Variants in RASSF8 observed in about 807,000 individuals in gnomAD.
RASSF8 encodes ras association domain-containing protein 8.
A neutral mutation model predicts 48.5 loss-of-function variants in RASSF8; 22 were observed. The ratio of observed to expected loss-of-function variants is 0.45; its 90% CI spans 0.32 to 0.65. The LOEUF is 0.65. RASSF8 is among the 30% of genes least tolerant of loss of function. RASSF8 has a pLI of 0.03. For missense variants in RASSF8, 418 were observed against 489.2 expected (o/e 0.85, Z 1.37); for synonymous variants, 127 against 171.5 (o/e 0.74, Z 2.03).
chr12:25,969,906 G>A (rs1270175923), intron 1 of RASSF8, among the ~76,000 whole-genome samples: 1 of 152,086 alleles, frequency 6.6e-6, no homozygotes, highest in Non-Finnish European at 1.5e-5. Context: ...CATCCTGGAT[G>A]AGAAATGCTG....
intron 1 of RASSF8, chr12:25,959,804 A>G (rs998443935): frequency 7.2e-5 from 11 of 152,138 alleles, no homozygotes; most frequent in African/African-American, 2.7e-4. Flanking sequence ...AAAGATGAGT[A>G]CTTGGGTTCG....
intron 2 of RASSF8, chr12:26,052,812 C>A (rs1943520381): frequency 6.6e-6 from 1 of 152,126 alleles, no homozygotes; most frequent in African/African-American, 2.4e-5. Flanking sequence ...CTTTCTCTTG[C>A]CTGATTGCCC....
chr12:25,977,389 G>A (rs1445590489), intron 1 of RASSF8, among the ~76,000 whole-genome samples: 1 of 152,132 alleles, frequency 6.6e-6, no homozygotes, highest in Non-Finnish European at 1.5e-5. Context: ...GGCTTATATG[G>A]TAGTTTGCCC....
chr12:26,024,053 A>G (rs769364608), intron 2 of RASSF8, among the ~76,000 whole-genome samples: 10 of 152,242 alleles, frequency 6.6e-5, no homozygotes, highest in Non-Finnish European at 1.5e-4. Flanking sequence ...GTAATGGCTT[A>G]TTTTGGGGTT....
At chr12:26,073,790 CATT>C (rs1438765504), downstream of RASSF8, among the ~76,000 whole-genome samples, 1 of 34,924 alleles carries the variant, frequency 2.9e-5, no homozygotes, top group Non-Finnish European at 5.3e-5. Flanking sequence ...TATATATACA[CATT>C]ATGTATACAC....
In RASSF8 at chr12:25,971,216, T is replaced by C. The variant is rs189493536; in HGVS notation, c.-203+12068T>C. ...TGCTGCTGGATGTTCTAGGGTTATC[T>C]TTTTCTAAAATGGAGCAGCTTTGTC... On this transcript the variant is annotated intron_variant, in intron 1 of 5. Coordinates refer to ENST00000689635, the MANE Select transcript of RASSF8 (RefSeq NM_001394098.1). Among the ~76,000 whole-genome samples the C allele has an allele frequency of 3.0e-3, 454 of 151,998 alleles. 1 individual carries two copies. The highest frequency in any genetic ancestry group is 9.2e-3 in the African/African-American group (379 of 41,272).
intron 1 of RASSF8, among the ~76,000 whole-genome samples, chr12:25,966,407 G>C (rs1165478271): frequency 6.6e-6 from 1 of 152,098 alleles, no homozygotes; most frequent in Non-Finnish European, 1.5e-5. Flanking sequence ...ATGAGGTCTT[G>C]CTATGTTGCC....
chr12:25,974,519 A>G lies in RASSF8; in HGVS notation c.-203+15371A>G, dbSNP rs191403813. ...TACCTTTTTTTTTTTTTTTTAAGCC[A>G]TAGCACTATACTAGCAGACACAGAG... On this transcript the variant is annotated intron_variant, in intron 1 of 5. Transcript: ENST00000689635. 7.6e-4 allele frequency among the ~76,000 whole-genome samples: 114 copies of G among 150,450 alleles called. 1 individual carries two copies. The highest frequency in any genetic ancestry group is 3.4e-3 in the Middle Eastern group (1 of 292).
chr12:26,046,672 TA>T (rs5797158), intron 2 of RASSF8, among the ~76,000 whole-genome samples: 128,395 of 151,910 alleles, frequency 0.85, 54,370 homozygotes, highest in East Asian at 0.99. Context: ...CCCATCTCTT[TA>T]AAAAAAAATA....
At chr12:26,054,106 T>A (rs1591805673) in intron 2 of RASSF8, among the ~76,000 whole-genome samples, 1 of 152,336 alleles carries the variant, frequency 6.6e-6, no homozygotes, top group East Asian at 1.9e-4. Context: ...ATCCAAATGT[T>A]CTCTTAATTA....
intron 2 of RASSF8, among the ~76,000 whole-genome samples, chr12:26,042,612 AT>A (rs988573080): frequency 5.3e-5 from 8 of 150,272 alleles, no homozygotes; most frequent in Non-Finnish European, 7.4e-5. Context: ...TACTGTGCTG[AT>A]TTTTTTTTCA....
At chr12:26,073,755 A>T (rs1198280795), downstream of RASSF8, among the ~76,000 whole-genome samples, 19 of 124,292 alleles carry the variant, frequency 1.5e-4, no homozygotes, top group East Asian at 5.3e-4. Context: ...CTATACACAC[A>T]CACACACACA....
At chr12:25,961,239 T>G (rs1315385300) in intron 1 of RASSF8, among the ~76,000 whole-genome samples, 1 of 152,218 alleles carries the variant, frequency 6.6e-6, no homozygotes, top group Non-Finnish European at 1.5e-5. Flanking sequence ...TATTGTTGTC[T>G]TTTTCTTATG....
chr12:26,038,634 C>CACACAT (rs1943201611), intron 2 of RASSF8, among the ~76,000 whole-genome samples: 1 of 151,804 alleles, frequency 6.6e-6, no homozygotes, highest in African/African-American at 2.4e-5. Context: ...CACACACACA[C>CACACAT]ACACACACAC....
intron 1 of RASSF8, among the ~76,000 whole-genome samples, chr12:25,982,364 G>A (rs908857650): frequency 6.6e-6 from 1 of 152,150 alleles, no homozygotes; most frequent in Non-Finnish European, 1.5e-5. Flanking sequence ...TAGTTCATAT[G>A]AAAAAGACAT....
downstream of RASSF8, among the ~76,000 whole-genome samples, chr12:26,077,647 G>A (rs56855343): frequency 4.0e-4 from 61 of 152,228 alleles, no homozygotes; most frequent in East Asian, 0.011. Flanking sequence ...CCAGTACCAT[G>A]CTATTTTGGT....
At chr12:26,040,441 C>T (rs548395853) in intron 2 of RASSF8, among the ~76,000 whole-genome samples, 6 of 152,198 alleles carry the variant, frequency 3.9e-5, no homozygotes, top group East Asian at 3.9e-4. Flanking sequence ...GCATCTTACC[C>T]GGAGGAGGAA....
At chr12:25,966,918 G>T (rs1014474121) in intron 1 of RASSF8, among the ~76,000 whole-genome samples, 49 of 152,172 alleles carry the variant, frequency 3.2e-4, no homozygotes, top group African/African-American at 1.1e-3. Context: ...TTTAGATTTA[G>T]ATCTGTGATG....
intron 1 of RASSF8, among the ~76,000 whole-genome samples, chr12:25,986,949 TG>T (rs370367967): frequency 6.7e-6 from 1 of 150,072 alleles, no homozygotes; most frequent in Non-Finnish European, 1.5e-5. Context: ...TTTGTTTGTT[TG>T]TTTTGCAACG....
Sources: gnomAD v4.1 joint callset for allele counts (sites outside exome capture counted in the v4.1 genomes callset) on GRCh38, gnomAD v4.1.1 for gene constraint, MANE v1.5 for transcripts, NCBI Gene and HGNC (gene_info 2026-07-23, HGNC 2026-07-21) for gene names.